Variants in FAM117B observed in about 807,000 individuals in gnomAD.
FAM117B encodes protein FAM117B.
In FAM117B, 22 loss-of-function variants were observed where a neutral mutation model predicts 52.8. The ratio of observed to expected loss-of-function variants is 0.42; its 90% CI spans 0.30 to 0.59. FAM117B has a LOEUF of 0.59. Among genes scored for constraint, FAM117B ranks in the 20% least tolerant of loss-of-function variants. The pLI is 0.22. For synonymous variants in FAM117B, 309 were observed against 324.1 expected (o/e 0.95, Z 0.50); for missense variants, 678 against 802.6 (o/e 0.84, Z 1.88).
chr2:202,679,275 T>C (rs909194470), intron 1 of FAM117B, among the ~76,000 whole-genome samples: 3 of 152,252 alleles, frequency 2.0e-5, no homozygotes, highest in African/African-American at 7.2e-5. Context: ...AGAAGACACA[T>C]TTTAGATCAC....
At position 202,724,960 on chromosome 2, in the gene FAM117B, G is replaced by A. The variant is rs1691216183; in HGVS notation, c.797G>A (p.Gly266Glu). The part of the protein sequence containing the change: ...WAEEYSEKKK[G>E]SHKRSASWGS... ...GAAGAATACTCTGAAAAGAAGAAAG[G>A]GTCTCACAAGCGCTCAGCATCTTGG... Residue 266 changes from glycine (G) to glutamate (E), a missense_variant, in exon 3 of 8, where the codon GGG becomes GAG. This residue lies in a region of FAM117B where 583 missense variants were observed against 644.8 expected (regional missense o/e 0.90). Coordinates refer to ENST00000392238, the MANE Select transcript of FAM117B (RefSeq NM_173511.4). 6.2e-7 allele frequency: 1 copy of A among 1,612,894 alleles called. No homozygotes were observed. Among genetic ancestry groups the A allele is most frequent in the Non-Finnish European group, 8.5e-7 (1 of 1,179,370 alleles).
chr2:202,756,186 G>A (rs1691797956), intron 5 of FAM117B, among the ~76,000 whole-genome samples: 1 of 152,168 alleles, frequency 6.6e-6, no homozygotes, highest in Non-Finnish European at 1.5e-5. Context: ...GGAGGCCAAG[G>A]TGGGCGGATC....
intron 1 of FAM117B, among the ~76,000 whole-genome samples, chr2:202,684,043 T>A (rs1690502026): frequency 6.6e-6 from 1 of 152,038 alleles, no homozygotes; most frequent in Admixed American, 6.6e-5. Context: ...ATTTTTGTAT[T>A]TTTTGTAGAG....
intron 7 of FAM117B, among the ~76,000 whole-genome samples, chr2:202,764,908 C>T (rs766416538): frequency 6.6e-6 from 1 of 152,112 alleles, no homozygotes; most frequent in Non-Finnish European, 1.5e-5. Flanking sequence ...TTTACAAGCA[C>T]TTGAAGAGAA....
intron 1 of FAM117B, among the ~76,000 whole-genome samples, chr2:202,640,295 A>AATATATATAT (rs539187347): frequency 0.01 from 513 of 51,208 alleles, 35 homozygotes; most frequent in Non-Finnish European, 0.012. Context: ...ACCACCACAA[A>AATATATATAT]ATATATATAT....
chr2:202,636,816 A>T (rs574265948), intron 1 of FAM117B, among the ~76,000 whole-genome samples: 11 of 152,224 alleles, frequency 7.2e-5, no homozygotes, highest in Non-Finnish European at 1.3e-4. Flanking sequence ...TCCGAAATGG[A>T]AGGAATAGGA....
chr2:202,644,459 C>G (rs936231878), intron 1 of FAM117B, among the ~76,000 whole-genome samples: 1 of 152,080 alleles, frequency 6.6e-6, no homozygotes, highest in Non-Finnish European at 1.5e-5. Context: ...TTTGGAGTCC[C>G]TCATCCTCAT....
intron 5 of FAM117B, among the ~76,000 whole-genome samples, chr2:202,756,221 CAT>C (rs1691798618): frequency 6.6e-6 from 1 of 152,006 alleles, no homozygotes; most frequent in Admixed American, 6.6e-5. Flanking sequence ...GTTCAAGACC[CAT>C]CTGGCCAACA....
intron 1 of FAM117B, among the ~76,000 whole-genome samples, chr2:202,670,400 AG>A (rs1432653605): frequency 6.6e-6 from 1 of 150,622 alleles, no homozygotes; most frequent in African/African-American, 2.5e-5. Context: ...GGTGATTTTT[AG>A]GCCTCAGCTT....
chr2:202,757,273 A>T lies in FAM117B; in HGVS notation c.1165A>T (p.Thr389Ser). The T allele has an allele frequency of 6.2e-7, 1 of 1,614,148 alleles. No homozygotes were observed. The highest frequency in any genetic ancestry group is 8.5e-7 in the Non-Finnish European group (1 of 1,180,036). ...CCCCCTTGTACAGAGAAGTAGCAGC[A>T]CGCGCAGCATTGACACACAGACGCC... ...PPPLVQRSSS[T>S]RSIDTQTPGG... is the part of the protein sequence containing the mutation. The change falls in exon 6 of 8, where the codon ACG becomes TCG. Residue 389 changes from threonine to serine, a missense_variant. Coordinates refer to ENST00000392238, the MANE Select transcript of FAM117B (RefSeq NM_173511.4).
intron 4 of FAM117B, among the ~76,000 whole-genome samples, chr2:202,735,086 G>A (rs1243776849): frequency 3.9e-5 from 6 of 152,016 alleles, no homozygotes; most frequent in African/African-American, 1.4e-4. Context: ...TATTTAACAT[G>A]GAACATTGTG....
At chr2:202,732,873 T>TAA (rs34605625) in intron 4 of FAM117B, among the ~76,000 whole-genome samples, 1 of 132,348 alleles carries the variant, frequency 7.6e-6, no homozygotes, top group Non-Finnish European at 1.7e-5. Flanking sequence ...AACATGCTAG[T>TAA]AAAAAAAAAA....
intron 2 of FAM117B, among the ~76,000 whole-genome samples, chr2:202,697,422 A>G (rs1690728974): frequency 6.6e-6 from 1 of 152,252 alleles, no homozygotes; most frequent in Non-Finnish European, 1.5e-5. Flanking sequence ...GAAGAATGAA[A>G]AACATTTAAA....
At chr2:202,699,660 G>A (rs935182328) in intron 2 of FAM117B, among the ~76,000 whole-genome samples, 5 of 152,098 alleles carry the variant, frequency 3.3e-5, no homozygotes, top group African/African-American at 9.7e-5. Flanking sequence ...GTTTCCCTAA[G>A]TGTATGCTAG....
At chr2:202,757,123 G>A in intron 5 of FAM117B, 90 bp from the exon 6 acceptor site, 1 of 1,262,640 alleles carries the variant, frequency 7.9e-7, no homozygotes, top group Non-Finnish European at 1.1e-6. Context: ...GTGAGTCTCT[G>A]GCACTATATG....
intron 1 of FAM117B, among the ~76,000 whole-genome samples, chr2:202,678,585 G>A (rs1690413413): frequency 6.6e-6 from 1 of 152,126 alleles, no homozygotes; most frequent in Non-Finnish European, 1.5e-5. Context: ...TTGAGACGGA[G>A]TTTCACTCTT....
At chr2:202,743,924 A>AG (rs1245373762) in intron 4 of FAM117B, among the ~76,000 whole-genome samples, 1 of 152,246 alleles carries the variant, frequency 6.6e-6, no homozygotes, top group East Asian at 1.9e-4. Context: ...TTCCAGAAGA[A>AG]GAGATGGTCA....
At chr2:202,737,315 A>G (rs1691454906) in intron 4 of FAM117B, among the ~76,000 whole-genome samples, 1 of 152,208 alleles carries the variant, frequency 6.6e-6, no homozygotes, top group South Asian at 2.1e-4. Flanking sequence ...TTGTATAATA[A>G]AATGGACATT....
intron 7 of FAM117B, among the ~76,000 whole-genome samples, chr2:202,764,481 G>T (rs1338389843): frequency 1.3e-5 from 2 of 151,868 alleles, no homozygotes; most frequent in East Asian, 1.9e-4. Flanking sequence ...TGTTGCCCAG[G>T]CTGGTCTGGA....
Sources: gnomAD v4.1 joint callset for allele counts (sites outside exome capture counted in the v4.1 genomes callset) on GRCh38, gnomAD v4.1.1 for gene constraint, gnomAD v4.1.1 regional missense constraint, MANE v1.5 for transcripts, NCBI Gene and HGNC (gene_info 2026-07-23, HGNC 2026-07-21) for gene names.